BEND7: variants seen among roughly 807,000 people sequenced by gnomAD.
The protein encoded by BEND7 is BEN domain-containing protein 7.
A neutral mutation model predicts 50.9 loss-of-function variants in BEND7; 28 were observed. The ratio of observed to expected loss-of-function variants is 0.55; its 90% CI spans 0.41 to 0.75. The LOEUF (loss-of-function observed/expected upper bound fraction) is 0.75, where lower values mean the gene tolerates loss of function less well. Among genes scored for constraint, BEND7 ranks in the 30% least tolerant of loss-of-function variants. The pLI is 0.00. For missense variants in BEND7, 477 were observed against 491.3 expected (o/e 0.97, Z 0.28); for synonymous variants, 170 against 183.9 (o/e 0.92, Z 0.61).
chr10:13,506,376 G>T (rs994920809), intron 2 of BEND7, among the ~76,000 whole-genome samples: 2 of 152,116 alleles, frequency 1.3e-5, no homozygotes, highest in Non-Finnish European at 2.9e-5. Flanking sequence ...TTTAACCCCT[G>T]GAAGAAGCTC....
chr10:13,449,700 T>C (rs1007475548), intron 7 of BEND7, among the ~76,000 whole-genome samples: 1 of 152,218 alleles, frequency 6.6e-6, no homozygotes, highest in Non-Finnish European at 1.5e-5. Context: ...CTGACCTTCC[T>C]TTTGTAATTC....
intron 6 of BEND7, among the ~76,000 whole-genome samples, chr10:13,469,756 T>C (rs1375661810): frequency 2.0e-5 from 3 of 152,234 alleles, no homozygotes; most frequent in African/African-American, 7.2e-5. Flanking sequence ...ATTACAGGCA[T>C]GAGCCACCGT....
intron 2 of BEND7, chr10:13,500,484 G>T (rs1378572368): frequency 1.0e-5 from 10 of 997,396 alleles, no homozygotes; most frequent in Non-Finnish European, 1.2e-5. Flanking sequence ...TGAGGAATGG[G>T]CAGGTCACTA....
chr10:13,464,318 T>G (rs565532737), intron 6 of BEND7, among the ~76,000 whole-genome samples: 1 of 152,252 alleles, frequency 6.6e-6, no homozygotes, highest in African/African-American at 2.4e-5. Flanking sequence ...GGTTAGCAGA[T>G]GAAATGGCTA....
chr10:13,509,491 G>A (rs894479967), intron 2 of BEND7, among the ~76,000 whole-genome samples: 1 of 152,166 alleles, frequency 6.6e-6, no homozygotes, highest in African/African-American at 2.4e-5. Flanking sequence ...CACTTCCCAG[G>A]AGCACAGTTA....
chr10:13,521,703 C>CTAGA (rs2079088471), intron 2 of BEND7, among the ~76,000 whole-genome samples: 1 of 152,218 alleles, frequency 6.6e-6, no homozygotes, highest in African/African-American at 2.4e-5. Flanking sequence ...TGGTGACACA[C>CTAGA]TAGACCCTTC....
intron 2 of BEND7, among the ~76,000 whole-genome samples, chr10:13,525,112 T>A (rs942138331): frequency 2.8e-4 from 42 of 152,172 alleles, no homozygotes; most frequent in Non-Finnish European, 4.1e-4. Flanking sequence ...ACCTCTCTCA[T>A]GTTCTGCTTC....
chr10:13,503,367 G>A (rs1032299286), intron 2 of BEND7, among the ~76,000 whole-genome samples: 1 of 152,228 alleles, frequency 6.6e-6, no homozygotes, highest in African/African-American at 2.4e-5. Flanking sequence ...TCCCTCCTCA[G>A]AGGAAGTAAG....
Position 13,472,867 on chromosome 10 carries a change from T to C in BEND7, c.1063+8032A>G, listed in dbSNP as rs1275728544. 3.3e-5 allele frequency among the ~76,000 whole-genome samples: 5 copies of C among 151,292 alleles called. No individual in the cohort carries two copies. The East Asian group carries it at 9.7e-4, about 29-fold the overall frequency. On this transcript the variant is annotated intron_variant, in intron 6 of 8. Transcript: ENST00000466271. ...TCATCACTGTTAGACTCGGGGTCGA[T>C]ACCCATCATCACTCTTAGACTCGGG...
intron 6 of BEND7, among the ~76,000 whole-genome samples, chr10:13,453,625 A>G (rs1838290803): frequency 6.6e-6 from 1 of 152,234 alleles, no homozygotes; most frequent in Admixed American, 6.5e-5. Context: ...TGAAGAGCTC[A>G]TTCAAATAAA....
intron 2 of BEND7, among the ~76,000 whole-genome samples, chr10:13,511,975 C>T (rs908551934): frequency 1.3e-5 from 2 of 152,174 alleles, no homozygotes; most frequent in African/African-American, 4.8e-5. Flanking sequence ...GCTGTCACAA[C>T]AAGACGTGGG....
intron 6 of BEND7, among the ~76,000 whole-genome samples, chr10:13,470,751 C>G (rs2074737599): frequency 6.6e-6 from 1 of 152,104 alleles, no homozygotes; most frequent in Admixed American, 6.5e-5. Flanking sequence ...GGGATGGGGC[C>G]GAGGTAGCTT....
At chr10:13,502,814 C>T (rs973401229) in intron 2 of BEND7, 1 of 791,136 alleles carries the variant, frequency 1.3e-6, no homozygotes, top group Non-Finnish European at 1.5e-6. Context: ...ACCCCAGGCT[C>T]CCTGAACAGA....
chr10:13,506,962 G>A (rs1449936551), intron 2 of BEND7, among the ~76,000 whole-genome samples: 1 of 152,050 alleles, frequency 6.6e-6, no homozygotes, highest in Non-Finnish European at 1.5e-5. Flanking sequence ...GTCTAGTTTC[G>A]ATGAAGAAAA....
intron 6 of BEND7, among the ~76,000 whole-genome samples, chr10:13,479,344 G>A (rs186816045): frequency 2.5e-4 from 38 of 152,172 alleles, no homozygotes; most frequent in African/African-American, 9.2e-4. Context: ...CATGTCTAGT[G>A]TAGATGGAAA....
At chr10:13,460,157 G>GA (rs1488341714) in intron 6 of BEND7, 1 of 152,930 alleles carries the variant, frequency 6.5e-6, no homozygotes, top group Non-Finnish European at 1.5e-5. Context: ...TGTGCAAACA[G>GA]AACTGTGAGG....
chr10:13,496,921 A>G, intron 3 of BEND7, 33 bp from the exon 4 acceptor site: 1 of 1,407,940 alleles, frequency 7.1e-7, no homozygotes, highest in Non-Finnish European at 9.1e-7. Flanking sequence ...ACATACTCCA[A>G]ACAAACCAAA....
At chr10:13,506,744 G>A (rs2077923481) in intron 2 of BEND7, among the ~76,000 whole-genome samples, 1 of 150,168 alleles carries the variant, frequency 6.7e-6, no homozygotes, top group African/African-American at 2.4e-5. Context: ...AGGATTTTCA[G>A]GATGGAAATG....
At chr10:13,461,973 T>C (rs1424295332) in intron 6 of BEND7, among the ~76,000 whole-genome samples, 1 of 152,026 alleles carries the variant, frequency 6.6e-6, no homozygotes, top group Non-Finnish European at 1.5e-5. Flanking sequence ...ATATTTAAAA[T>C]AATGAAACAC....
Sources: allele counts gnomAD v4.1 joint callset (sites outside exome capture counted in the v4.1 genomes callset), GRCh38; gene constraint gnomAD v4.1.1; transcripts MANE v1.5; gene names NCBI Gene and HGNC (gene_info 2026-07-23, HGNC 2026-07-21).